The following RNF150 variants were observed in gnomAD, a reference collection of about 807,000 sequenced individuals.
RNF150 encodes the protein ring finger protein 150.
A neutral mutation model predicts 39.3 loss-of-function variants in RNF150; 24 were observed. The ratio of observed to expected loss-of-function variants is 0.61; its 90% CI spans 0.44 to 0.86. The LOEUF is 0.86. Among genes scored for constraint, RNF150 ranks in the 40% least tolerant of loss-of-function variants. RNF150 has a pLI of 0.00. For missense variants in RNF150, 502 were observed against 587.8 expected (o/e 0.85, Z 1.51); for synonymous variants, 255 against 227.3 (o/e 1.12, Z -1.10).
At chr4:140,975,049 A>G (rs1167022224) in intron 1 of RNF150, among the ~76,000 whole-genome samples, 1 of 152,120 alleles carries the variant, frequency 6.6e-6, no homozygotes, top group Non-Finnish European at 1.5e-5. Context: ...TCAGTTCAGG[A>G]GTTCGAGACC....
At chr4:140,898,876 T>C (rs1370757960) in intron 6 of RNF150, among the ~76,000 whole-genome samples, 1 of 152,198 alleles carries the variant, frequency 6.6e-6, no homozygotes, top group Non-Finnish European at 1.5e-5. Flanking sequence ...GTGCAGCCAA[T>C]ACTTTCTTGT....
At chr4:141,107,653 T>G (rs1004125423) in intron 1 of RNF150, among the ~76,000 whole-genome samples, 1 of 152,214 alleles carries the variant, frequency 6.6e-6, no homozygotes, top group South Asian at 2.1e-4. Flanking sequence ...TCATGAGGTC[T>G]GCTACATCAT....
chr4:141,027,735 T>C (rs10001746), intron 1 of RNF150, among the ~76,000 whole-genome samples: 33,901 of 151,936 alleles, frequency 0.22, 4,236 homozygotes, highest in Middle Eastern at 0.4. Context: ...GGGAGGCCTA[T>C]ATAAGACTTA....
chr4:141,032,666 T>G (rs1028203065), intron 1 of RNF150, among the ~76,000 whole-genome samples: 1 of 151,726 alleles, frequency 6.6e-6, no homozygotes, highest in African/African-American at 2.4e-5. Flanking sequence ...TTTCATCTGA[T>G]CAAAGAAAAT....
chr4:140,890,605 A>G (rs1466667645), intron 6 of RNF150, among the ~76,000 whole-genome samples: 1 of 152,156 alleles, frequency 6.6e-6, no homozygotes, highest in Admixed American at 6.5e-5. Flanking sequence ...CTCTCATCTC[A>G]CCACTGAGGA....
In RNF150 at chr4:140,863,038, C is replaced by T. The variant is rs1315127811; in HGVS notation, c.*5223G>A. On this transcript the variant is annotated 3_prime_UTR_variant, in exon 7 of 7. Transcript: ENST00000515673. ...GAGCACTGCATGAAGAACCATGCATCCCCATCTTAAGAGGGTAGTCTCTTC... is the reference window on the plus strand; with the variant it reads ...GAGCACTGCATGAAGAACCATGCATTCCCATCTTAAGAGGGTAGTCTCTTC... 6.6e-6 allele frequency: 1 copy of T among 152,110 alleles called. No individual in the cohort carries two copies. Among genetic ancestry groups the T allele is most frequent in the Non-Finnish European group, 1.5e-5 (1 of 68,030 alleles). The allele number at this position is 152,110 out of a possible 1,614,324, so 9.4% of individuals were successfully genotyped here.
intron 1 of RNF150, among the ~76,000 whole-genome samples, chr4:141,033,997 C>T (rs550979694): frequency 6.6e-5 from 10 of 152,198 alleles, no homozygotes; most frequent in Non-Finnish European, 1.2e-4. Context: ...CTGCATTAGC[C>T]CCTAAAAATG....
intron 1 of RNF150, among the ~76,000 whole-genome samples, chr4:140,976,078 T>C (rs1280106380): frequency 6.6e-6 from 1 of 152,174 alleles, no homozygotes; most frequent in Non-Finnish European, 1.5e-5. Context: ...TTTGATTGGT[T>C]CGGCTTTCCT....
intron 5 of RNF150, among the ~76,000 whole-genome samples, chr4:140,915,249 T>C (rs1560963750): frequency 6.6e-6 from 1 of 152,202 alleles, no homozygotes; most frequent in African/African-American, 2.4e-5. Flanking sequence ...ATGGAATACA[T>C]GGAACATAGG....
chr4:141,060,640 G>A (rs547939585), intron 1 of RNF150, among the ~76,000 whole-genome samples: 9 of 152,212 alleles, frequency 5.9e-5, no homozygotes, highest in Non-Finnish European at 1.2e-4. Context: ...ATCTACCAAT[G>A]TGAATTATAA....
chr4:141,170,420 G>A (rs749234084), intron 1 of RNF150, among the ~76,000 whole-genome samples: 4 of 152,100 alleles, frequency 2.6e-5, no homozygotes, highest in Non-Finnish European at 4.4e-5. Context: ...GATTATCAGA[G>A]CTGTCAAAAT....
At chr4:141,031,877 C>A (rs1390843501) in intron 1 of RNF150, among the ~76,000 whole-genome samples, 2 of 151,944 alleles carry the variant, frequency 1.3e-5, no homozygotes, top group African/African-American at 4.8e-5. Context: ...CTAGCAATCC[C>A]ATTTGATACA....
chr4:141,174,889 A>G (rs1298934631), intron 1 of RNF150, among the ~76,000 whole-genome samples: 1 of 61,700 alleles, frequency 1.6e-5, no homozygotes, highest in Admixed American at 2.3e-4. Context: ...TGTATCAGGA[A>G]AAAAAAAAAA....
intron 1 of RNF150, among the ~76,000 whole-genome samples, chr4:141,104,076 G>A (rs1739113151): frequency 1.3e-5 from 2 of 152,136 alleles, no homozygotes; most frequent in Admixed American, 1.3e-4. Flanking sequence ...AGAAGCAAGA[G>A]GTGATAAGGC....
intron 1 of RNF150, among the ~76,000 whole-genome samples, chr4:141,198,318 T>C (rs1228600704): frequency 6.6e-6 from 1 of 152,194 alleles, no homozygotes; most frequent in Non-Finnish European, 1.5e-5. Context: ...TGAGCCACCA[T>C]GCCCAGCCTA....
intron 4 of RNF150, among the ~76,000 whole-genome samples, chr4:140,933,858 T>C (rs1026429547): frequency 1.3e-5 from 2 of 152,166 alleles, no homozygotes; most frequent in African/African-American, 2.4e-5. Context: ...TGGTGTTGAT[T>C]AAGTCAAGTA....
At chr4:141,125,414 A>C (rs928260143) in intron 1 of RNF150, among the ~76,000 whole-genome samples, 2 of 152,336 alleles carry the variant, frequency 1.3e-5, no homozygotes, top group Non-Finnish European at 2.9e-5. Context: ...ATTTCAATTT[A>C]AATTTAGCAT....
At chr4:141,207,372 T>A (rs1254119247) in intron 1 of RNF150, among the ~76,000 whole-genome samples, 5 of 151,886 alleles carry the variant, frequency 3.3e-5, no homozygotes, top group African/African-American at 7.3e-5. Context: ...AGGAAAAAAA[T>A]CAGAGGGATG....
At chr4:141,103,428 G>A (rs763322380) in intron 1 of RNF150, among the ~76,000 whole-genome samples, 4 of 152,118 alleles carry the variant, frequency 2.6e-5, no homozygotes, top group Admixed American at 6.5e-5. Flanking sequence ...CATTGTGGCC[G>A]CAGCAGGTAT....
Sources: allele counts gnomAD v4.1 joint callset (sites outside exome capture counted in the v4.1 genomes callset), GRCh38; gene constraint gnomAD v4.1.1; transcripts MANE v1.5; gene names NCBI Gene and HGNC (gene_info 2026-07-23, HGNC 2026-07-21).